Variants in WDR7 observed in about 807,000 individuals in gnomAD.
WDR7 encodes the protein WD repeat domain 7, also known as WD repeat-containing protein 7.
Under a neutral mutation model 169.4 loss-of-function variants are expected in WDR7, and 46 were observed. The observed-to-expected ratio is 0.27, with a 90% CI of 0.21 to 0.35. The LOEUF is 0.35. Among genes scored for constraint, WDR7 ranks in the 10% least tolerant of loss-of-function variants. The pLI is 1.00. For missense variants in WDR7, 1,534 were observed against 1,859.3 expected (o/e 0.83, Z 3.22); for synonymous variants, 612 against 666.8 (o/e 0.92, Z 1.27).
At chr18:56,719,285 C>G (rs548678584) in intron 13 of WDR7, among the ~76,000 whole-genome samples, 60 of 152,110 alleles carry the variant, frequency 3.9e-4, no homozygotes, top group African/African-American at 1.4e-3. Flanking sequence ...AATTGCTGGC[C>G]GGGCGCGGTG....
intron 26 of WDR7, among the ~76,000 whole-genome samples, chr18:56,962,865 A>G (rs930472191): frequency 2.0e-4 from 31 of 152,174 alleles, no homozygotes; most frequent in African/African-American, 7.5e-4. Flanking sequence ...ATATGTTATT[A>G]TGATATAATG....
chr18:56,820,869 T>C (rs1455146886), intron 20 of WDR7, among the ~76,000 whole-genome samples: 2 of 152,204 alleles, frequency 1.3e-5, no homozygotes, highest in Non-Finnish European at 2.9e-5. Flanking sequence ...TAAATTAATA[T>C]CATTCTTTCT....
intron 19 of WDR7, among the ~76,000 whole-genome samples, chr18:56,795,895 C>T (rs1473856782): frequency 6.6e-6 from 1 of 152,146 alleles, no homozygotes; most frequent in African/African-American, 2.4e-5. Context: ...AACACAGTTA[C>T]ATTCATTTGT....
intron 19 of WDR7, among the ~76,000 whole-genome samples, chr18:56,784,993 A>C (rs1389773309): frequency 6.6e-6 from 1 of 152,072 alleles, no homozygotes; most frequent in Non-Finnish European, 1.5e-5. Flanking sequence ...GATATAATAC[A>C]TTAATCTTTT....
chr18:56,987,414 G>A (rs1331035062), intron 26 of WDR7, among the ~76,000 whole-genome samples: 4 of 151,818 alleles, frequency 2.6e-5, no homozygotes, highest in East Asian at 3.9e-4. Context: ...CTGCCACCGC[G>A]GCCAGCCCTG....
chr18:56,741,652 T>G (rs1050776308), intron 14 of WDR7, among the ~76,000 whole-genome samples: 1 of 152,202 alleles, frequency 6.6e-6, no homozygotes, highest in African/African-American at 2.4e-5. Flanking sequence ...ATGGATACTT[T>G]GAAAATTTCC....
At chr18:56,961,788 A>T (rs1311355246) in intron 25 of WDR7, among the ~76,000 whole-genome samples, 1 of 152,178 alleles carries the variant, frequency 6.6e-6, no homozygotes, top group African/African-American at 2.4e-5. Context: ...GCTTATTCAC[A>T]CTGCTAAAAG....
At chr18:56,812,480 T>C (rs1046371261) in intron 19 of WDR7, among the ~76,000 whole-genome samples, 5 of 152,158 alleles carry the variant, frequency 3.3e-5, no homozygotes, top group African/African-American at 1.2e-4. Context: ...ATTAGGGGAA[T>C]TGGCTCATGC....
intron 20 of WDR7, among the ~76,000 whole-genome samples, chr18:56,831,709 C>T (rs1008971038): frequency 2.0e-5 from 3 of 152,074 alleles, no homozygotes; most frequent in Admixed American, 1.3e-4. Context: ...GGTGAGGCGT[C>T]GTCTCACCCA....
At chr18:56,922,990 C>A (rs1244794395) in intron 21 of WDR7, among the ~76,000 whole-genome samples, 2 of 152,088 alleles carry the variant, frequency 1.3e-5, no homozygotes, top group Non-Finnish European at 2.9e-5. Flanking sequence ...CCTAGGCCTG[C>A]CCCCGATAAG....
At chr18:57,010,603 C>A (rs1197211574) in intron 26 of WDR7, among the ~76,000 whole-genome samples, 1 of 152,056 alleles carries the variant, frequency 6.6e-6, no homozygotes, top group Non-Finnish European at 1.5e-5. Flanking sequence ...GGATTTTTAG[C>A]AAACCTAATT....
At chr18:56,742,218 T>C (rs1171558023) in intron 14 of WDR7, among the ~76,000 whole-genome samples, 1 of 152,162 alleles carries the variant, frequency 6.6e-6, no homozygotes, top group Non-Finnish European at 1.5e-5. Context: ...TTTTACTATC[T>C]CACATCATAA....
intron 12 of WDR7, among the ~76,000 whole-genome samples, chr18:56,702,295 A>C (rs1256118297): frequency 6.6e-6 from 1 of 152,180 alleles, no homozygotes; most frequent in Non-Finnish European, 1.5e-5. Flanking sequence ...TTTTAGCTTT[A>C]AAGAGTCTAT....
At chr18:56,765,497 A>G (rs564294666) in intron 16 of WDR7, among the ~76,000 whole-genome samples, 49 of 152,162 alleles carry the variant, frequency 3.2e-4, no homozygotes, top group African/African-American at 1.2e-3. Context: ...CATTTAATAT[A>G]AATGTTAAAC....
intron 21 of WDR7, among the ~76,000 whole-genome samples, chr18:56,908,172 C>G (rs1002279593): frequency 2.0e-5 from 3 of 152,168 alleles, no homozygotes; most frequent in Non-Finnish European, 2.9e-5. Flanking sequence ...TCACCCTCCA[C>G]AGACTTCGAG....
At chr18:57,010,634 A>G in intron 26 of WDR7, among the ~76,000 whole-genome samples, 1 of 151,974 alleles carries the variant, frequency 6.6e-6, no homozygotes, top group East Asian at 1.9e-4. Context: ...GATTCTATAT[A>G]ATTAATCATT....
At chr18:56,901,034 A>G (rs1365275439) in intron 21 of WDR7, among the ~76,000 whole-genome samples, 1 of 152,216 alleles carries the variant, frequency 6.6e-6, no homozygotes, top group Non-Finnish European at 1.5e-5. Context: ...TTACTGTTAT[A>G]ATTCTAAATA....
chr18:56,953,964 G>A (rs1227684187), intron 25 of WDR7, among the ~76,000 whole-genome samples: 21 of 152,124 alleles, frequency 1.4e-4, no homozygotes, highest in Admixed American at 1.2e-3. Flanking sequence ...ATATTTCATG[G>A]CAAAGAATGA....
chr18:56,924,024 CTGTT>C lies in WDR7; in HGVS notation c.3632_3635del (p.Val1211GlyfsTer11). ...ATTGATCTGATTGGACGTGGGTTCA[CTGTT>C]TGGGAGCCTTACATGGATGTGTCCG... On this transcript the variant is annotated frameshift_variant, in exon 22 of 28. Coordinates refer to ENST00000254442, the MANE Select transcript of WDR7 (RefSeq NM_015285.3). LOFTEE classifies it high-confidence loss of function. The C allele has an allele frequency of 1.2e-6, 2 of 1,612,572 alleles. No homozygotes were observed. The highest frequency in any genetic ancestry group is 1.7e-6 in the Non-Finnish European group (2 of 1,179,462).
Sources: allele counts gnomAD v4.1 joint callset (sites outside exome capture counted in the v4.1 genomes callset), GRCh38; gene constraint gnomAD v4.1.1; transcripts MANE v1.5; gene names NCBI Gene and HGNC (gene_info 2026-07-23, HGNC 2026-07-21).